The following VTI1A variants were observed in gnomAD, a reference collection of about 807,000 sequenced individuals.
VTI1A encodes the protein vesicle transport through interaction with t-SNAREs homolog 1A.
A neutral mutation model predicts 34.9 loss-of-function variants in VTI1A; 22 were observed. The observed-to-expected ratio is 0.63, with a 90% confidence interval of 0.45 to 0.90. The LOEUF (loss-of-function observed/expected upper bound fraction) is 0.90, where lower values mean the gene tolerates loss of function less well. Among genes scored for constraint, VTI1A ranks in the 40% least tolerant of loss-of-function variants. The pLI is 0.00. For synonymous variants in VTI1A, 87 were observed against 97.3 expected, an observed-to-expected ratio of 0.89 and a Z score of 0.62; for missense variants, 268 against 275.6, an observed-to-expected ratio of 0.97 and a Z score of 0.20.
chr10:112,849,893 C>T, the VTI1A span, among the ~76,000 whole-genome samples: 6,660 of 152,126 alleles, frequency 0.044, 204 homozygotes, highest in Middle Eastern at 0.099. Context: ...GGTGCAAGGG[C>T]GAGGGTGTCC....
intron 5 of VTI1A, among the ~76,000 whole-genome samples, chr10:112,562,010 C>CT (rs1299377742): frequency 4.6e-5 from 7 of 152,042 alleles, no homozygotes; most frequent in South Asian, 2.1e-4. Context: ...TGAGATACAA[C>CT]TTTTTTTTAT....
At chr10:112,491,279 A>G in intron 3 of VTI1A, among the ~76,000 whole-genome samples, 1 of 152,226 alleles carries the variant, frequency 6.6e-6, no homozygotes. Context: ...ATCCTTGGAA[A>G]AGTGTAATGG....
intron 7 of VTI1A, among the ~76,000 whole-genome samples, chr10:112,781,320 G>A (rs972266447): frequency 2.2e-4 from 33 of 152,192 alleles, no homozygotes; most frequent in African/African-American, 7.5e-4. Flanking sequence ...TCCTACAGCA[G>A]CTACAGAGAT....
At chr10:112,558,486 A>G (rs1391218672) in intron 5 of VTI1A, among the ~76,000 whole-genome samples, 1 of 152,222 alleles carries the variant, frequency 6.6e-6, no homozygotes. Context: ...TACTTTAGGC[A>G]ATTCATCCAG....
chr10:112,570,523 T>G (rs1852080227), intron 5 of VTI1A, among the ~76,000 whole-genome samples: 1 of 152,198 alleles, frequency 6.6e-6, no homozygotes, highest in Non-Finnish European at 1.5e-5. Context: ...AAAAGTTCAG[T>G]GAATGCTGAC....
At chr10:112,843,606 T>G in the VTI1A span, among the ~76,000 whole-genome samples, 1 of 152,210 alleles carries the variant, frequency 6.6e-6, no homozygotes, top group Non-Finnish European at 1.5e-5. Flanking sequence ...ACCATCTATG[T>G]GTGGAGTTAA....
intron 1 of VTI1A, chr10:112,448,431 G>A (rs1235463051): frequency 6.6e-6 from 1 of 152,194 alleles, no homozygotes; most frequent in African/African-American, 2.4e-5. Flanking sequence ...GGTGGGAGCT[G>A]TGTCTGATTT....
At position 112,816,894 on chromosome 10, in the gene VTI1A, T is replaced by C. The variant is rs990778540; in HGVS notation, c.*1511T>C. ...GAATCCACCAGAGAAATTGCACTTA[T>C]CGAAACAGGCCAAGGCCTGCATGTG... On this transcript the variant is annotated 3_prime_UTR_variant, in exon 8 of 8. Coordinates refer to ENST00000393077, the MANE Select transcript of VTI1A (RefSeq NM_145206.4). 1 of 230,460 alleles carries C rather than the reference T, an allele frequency of 4.3e-6. No homozygotes were observed. The highest frequency in any genetic ancestry group is 2.2e-5 in the African/African-American group (1 of 45,188). The allele number at this position is 230,460 out of a possible 1,614,324, so 14.3% of individuals were successfully genotyped here. A position where few individuals can be genotyped will look rare whatever the true frequency, so the allele number is the denominator to read the frequency against.
chr10:112,652,285 C>T (rs1163121626), intron 5 of VTI1A, among the ~76,000 whole-genome samples: 3 of 152,118 alleles, frequency 2.0e-5, no homozygotes, highest in Non-Finnish European at 4.4e-5. Context: ...CAGACTAGAG[C>T]GGTACACTTC....
intron 7 of VTI1A, among the ~76,000 whole-genome samples, chr10:112,678,661 C>T (rs768854323): frequency 6.6e-6 from 1 of 152,164 alleles, no homozygotes; most frequent in Admixed American, 6.5e-5. Context: ...TGTAAACTAG[C>T]GTATTCACAC....
chr10:112,765,580 C>G (rs1221045209), intron 7 of VTI1A, among the ~76,000 whole-genome samples: 2 of 152,156 alleles, frequency 1.3e-5, no homozygotes, highest in Non-Finnish European at 2.9e-5. Context: ...CAATTACATG[C>G]TAAACACTGC....
In VTI1A at chr10:112,815,312, C is replaced by T. The variant is rs569093645; in HGVS notation, c.583C>T (p.Leu195Phe). 4 of 1,613,910 alleles carry T rather than the reference C, an allele frequency of 2.5e-6. No individual in the cohort carries two copies. In the South Asian group the frequency reaches 3.3e-5, roughly 13 times the overall value. ...LRRIIQNRILLVILGIIVVIT... is the reference protein window; with the variant it reads ...LRRIIQNRILFVILGIIVVIT... Reference sequence around the variant, plus strand: ...TAGAATCATCCAGAACCGCATCCTGCTCGTCATCCTAGGGATCATCGTGGT... The same window carrying T: ...TAGAATCATCCAGAACCGCATCCTGTTCGTCATCCTAGGGATCATCGTGGT... Residue 195 changes from leucine (L) to phenylalanine (F), a missense_variant, in exon 8 of 8, where the codon CTC (leucine) becomes TTC (phenylalanine). Coordinates refer to ENST00000393077, the MANE Select transcript of VTI1A (RefSeq NM_145206.4).
intron 3 of VTI1A, among the ~76,000 whole-genome samples, chr10:112,487,238 C>G (rs977423163): frequency 6.6e-6 from 1 of 152,158 alleles, no homozygotes. Flanking sequence ...ATTCTCCTGC[C>G]TCAGCCTCCC....
chr10:112,774,450 A>G (rs760463139), intron 7 of VTI1A, among the ~76,000 whole-genome samples: 1 of 152,010 alleles, frequency 6.6e-6, no homozygotes, highest in Non-Finnish European at 1.5e-5. Context: ...TCCCACTACA[A>G]AGGAGATGAG....
chr10:112,460,360 T>C (rs1847691392), intron 1 of VTI1A, among the ~76,000 whole-genome samples, 164 bp from the exon 2 acceptor site: 1 of 151,620 alleles, frequency 6.6e-6, no homozygotes, highest in African/African-American at 2.4e-5. Context: ...CTGGAATCAA[T>C]GGCTTAAAGT....
chr10:112,796,755 A>G (rs974252734), intron 7 of VTI1A, among the ~76,000 whole-genome samples: 9 of 152,222 alleles, frequency 5.9e-5, no homozygotes, highest in Non-Finnish European at 4.4e-5. Context: ...CCTACAGCCA[A>G]GCGTCTCCTG....
Position 112,737,997 on chromosome 10 carries a change from G to C in VTI1A, c.560+68999G>C, listed in dbSNP as rs1389213800. 11 of 597,474 alleles carry C rather than the reference G, an allele frequency of 1.8e-5. No individual in the cohort carries two copies. The African/African-American group carries it at 2.0e-4, about 11-fold the overall frequency. 37.0% of individuals were successfully genotyped at this position (597,474 alleles called of 1,614,324 possible). ...AAGTCCTCCGATGTCCAGAGATCAA[G>C]ATGAGTGTCTTGTCTGGTTAATGAA... On this transcript the variant is annotated intron_variant, in intron 7 of 7. Coordinates refer to ENST00000393077, the MANE Select transcript of VTI1A (RefSeq NM_145206.4).
intron 5 of VTI1A, among the ~76,000 whole-genome samples, chr10:112,618,520 T>TAGAGAGAGAGAGAGAGAGAG (rs1249234028): frequency 6.3e-4 from 29 of 46,174 alleles, no homozygotes; most frequent in Admixed American, 1.8e-3. Flanking sequence ...TATATATATA[T>TAGAGAGAGAGAGAGAGAGAG]ATATAGAGAG....
chr10:112,829,494 T>G, the VTI1A span, among the ~76,000 whole-genome samples: 1 of 150,038 alleles, frequency 6.7e-6, no homozygotes, highest in African/African-American at 2.5e-5. Flanking sequence ...CTCACGCCTA[T>G]AATCCCAGCC....
Sources: allele counts gnomAD v4.1 joint callset (sites outside exome capture counted in the v4.1 genomes callset), GRCh38; gene constraint gnomAD v4.1.1; transcripts MANE v1.5; gene names NCBI Gene and HGNC (gene_info 2026-07-23, HGNC 2026-07-21).